The following KMT5C variants were observed in gnomAD, a reference collection of about 807,000 sequenced individuals.
KMT5C encodes lysine methyltransferase 5C.
Under a neutral mutation model 38.2 loss-of-function variants are expected in KMT5C, and 16 were observed. That is an observed-to-expected ratio of 0.42 (90% CI 0.28 to 0.64). KMT5C has a LOEUF of 0.64. Ranked by LOEUF, KMT5C falls within the 30% of genes least tolerant of loss-of-function variation. KMT5C has a pLI of 0.23. For synonymous variants in KMT5C, 291 were observed against 279.0 expected (o/e 1.04, Z -0.43); for missense variants, 598 against 665.1 (o/e 0.90, Z 1.11).
Position 55,346,905 on chromosome 19 carries a change from G to A in KMT5C, c.896-51G>A, listed in dbSNP as rs759070166. ...GAGGAGGACCGGCCCAGCTTGCACT[G>A]ACTTCACCTCTCCTTTGTTCCTCCT... On this transcript the variant is annotated intron_variant, in intron 8 of 8. Transcript: ENST00000255613. The A allele has an allele frequency of 7.5e-6, 6 of 796,808 alleles. 1 individual carries two copies. In the South Asian group the frequency reaches 8.9e-5, roughly 12 times the overall value. 49.4% of individuals were successfully genotyped at this position (796,808 alleles called of 1,614,324 possible). A position where few individuals can be genotyped will look rare whatever the true frequency, so the allele number is the denominator to read the frequency against.
chr19:55,342,156 TG>T (rs1293084150), intron 2 of KMT5C, 58 bp from the exon 3 acceptor site: 1 of 1,590,250 alleles, frequency 6.3e-7, no homozygotes, highest in East Asian at 2.3e-5. Context: ...CAGCTCCAAG[TG>T]GGGGTTGGGG....
chr19:55,347,678 T>G lies in KMT5C; in HGVS notation c.*229T>G. On this transcript the variant is annotated 3_prime_UTR_variant, in exon 9 of 9. Transcript: ENST00000255613. The surrounding 1 kb of genome is among the most constrained non-coding windows in gnomAD (Gnocchi z 4.6). ...ACTCCCACAGGGAGCCCCGGCCATT[T>G]GCTGCCCTCCCCACCCCTGCCCCAG... is the stretch of plus-strand genomic sequence containing the variant. 1 of 627,220 alleles carries G rather than the reference T, an allele frequency of 1.6e-6. No individual in the cohort carries two copies. Among genetic ancestry groups the G allele is most frequent in the Non-Finnish European group, 2.5e-6 (1 of 401,772 alleles). The allele number at this position is 627,220 out of a possible 1,614,324, so 38.9% of individuals were successfully genotyped here. A position where few individuals can be genotyped will look rare whatever the true frequency, so the allele number is the denominator to read the frequency against.
At position 55,346,624 on chromosome 19, in the gene KMT5C, CAGGGCCTGCTGGGCCCTCG is replaced by C; in HGVS notation, c.833_851del (p.Gln278ArgfsTer144). 1 of 1,572,284 alleles carries C rather than the reference CAGGGCCTGCTGGGCCCTCG, an allele frequency of 6.4e-7. No individual in the cohort carries two copies. The highest frequency in any genetic ancestry group is 8.6e-7 in the Non-Finnish European group (1 of 1,159,716). ...GCAAGGCCTGGACAGTGGCAGCCGACAGGGCCTGCTGGGCCCTCGGGCCTGCGTGCACCCATCCCCGCTG... is the reference window on the plus strand; with the variant it reads ...GCAAGGCCTGGACAGTGGCAGCCGACGGCCTGCGTGCACCCATCCCCGCTG... On this transcript the variant is annotated frameshift_variant, in exon 8 of 9. Coordinates refer to ENST00000255613, the MANE Select transcript of KMT5C (RefSeq NM_032701.4). LOFTEE classifies it high-confidence loss of function.
In KMT5C at chr19:55,342,732, C is replaced by A; in HGVS notation, c.277-10C>A. On this transcript the variant is annotated splice_polypyrimidine_tract_variant and intron_variant, in intron 3 of 8. Transcript: ENST00000255613. ...CCCCGCCTCCTCACCCCCACCCTCA[C>A]CCTCACCAGGTCTATCGCTACCTCC... The A allele has an allele frequency of 2.6e-6, 4 of 1,537,982 alleles. No individual in the cohort carries two copies. Among genetic ancestry groups the A allele is most frequent in the Admixed American group, 1.7e-5 (1 of 59,926 alleles).
In KMT5C at chr19:55,343,045, C is replaced by T. The variant is rs2089577816; in HGVS notation, c.386+194C>T. ...CGTGGTGCCGCTGGAGCAGGAGACC[C>T]CGGATGTGACCCCAGGGTTCCTGGG... On this transcript the variant is annotated intron_variant, in intron 4 of 8. Coordinates refer to ENST00000255613, the MANE Select transcript of KMT5C (RefSeq NM_032701.4). The surrounding 1 kb of genome is among the most constrained non-coding windows in gnomAD (Gnocchi z 5.5). 1 of 572,984 alleles carries T rather than the reference C, an allele frequency of 1.7e-6. No homozygotes were observed. The highest frequency in any genetic ancestry group is 1.9e-5 in the African/African-American group (1 of 53,230). 35.5% of individuals were successfully genotyped at this position (572,984 alleles called of 1,614,324 possible).
At position 55,342,389 on chromosome 19, in the gene KMT5C, GCCCTC is replaced by G; in HGVS notation, c.276+18_276+22del. ...CTGCCCTCAAGACCCACGTGAGGGC[GCCCTC>G]CCCTCCCCCGCCCTCACCGCGTGTC... On this transcript the variant is annotated intron_variant, in intron 3 of 8. Coordinates refer to ENST00000255613, the MANE Select transcript of KMT5C (RefSeq NM_032701.4). 6.7e-7 allele frequency: 1 copy of G among 1,485,222 alleles called. No homozygotes were observed. The highest frequency in any genetic ancestry group is 8.9e-7 in the Non-Finnish European group (1 of 1,117,708). The allele number at this position is 1,485,222 out of a possible 1,614,324, so 92.0% of individuals were successfully genotyped here.
At position 55,347,621 on chromosome 19, in the gene KMT5C, C is replaced by A; in HGVS notation, c.*172C>A. ...CACCCCCAGGGATCTGAGCCCTGAC[C>A]CTTTGTGACTGCTGACCCCTGAGCC... On this transcript the variant is annotated 3_prime_UTR_variant, in exon 9 of 9. Transcript: ENST00000255613. This position sits in a 1 kb window ranked among gnomAD's most constrained non-coding sequence, Gnocchi z 4.6. 8.9e-7 allele frequency: 1 copy of A among 1,129,664 alleles called. No individual in the cohort carries two copies. The highest frequency in any genetic ancestry group is 1.2e-6 in the Non-Finnish European group (1 of 847,384). The allele number at this position is 1,129,664 out of a possible 1,614,324, so 70.0% of individuals were successfully genotyped here.
chr19:55,344,107 G>C, intron 6 of KMT5C, 110 bp downstream of exon 6: 1 of 1,198,534 alleles, frequency 8.3e-7, no homozygotes, highest in Non-Finnish European at 1.2e-6. Context: ...GGGCGCGGTG[G>C]CTCATGCCTG....
rs373622551 is a variant in KMT5C, at chr19:55,343,342, G to C, written c.387-338G>C. The stretch of plus-strand genomic sequence containing the variant: ...ACTGACAGGGGAAGCACCCGCCTGA[G>C]GGTCTGGTGGGGCGAGTAGGGGGTA... On this transcript the variant is annotated intron_variant, in intron 4 of 8. Transcript: ENST00000255613. The surrounding 1 kb of genome is among the most constrained non-coding windows in gnomAD (Gnocchi z 5.5). 11 of 376,672 alleles carry C rather than the reference G, an allele frequency of 2.9e-5. No individual in the cohort carries two copies. Among genetic ancestry groups the C allele is most frequent in the African/African-American group, 2.0e-4 (10 of 49,338 alleles). The allele number at this position is 376,672 out of a possible 1,614,324, so 23.3% of individuals were successfully genotyped here.
chr19:55,342,228 C>T lies in KMT5C; in HGVS notation c.124C>T (p.Leu42=). ...HKMNVSPVPP[L]RRQQHLRSAL... ...CCTCTCCCCCAGCCCTGTGCCCCCC[C>T]TGCGGCGACAGCAGCACCTGCGCTC... Residue 42 remains leucine (L), a synonymous_variant, in exon 3 of 9, where the codon CTG becomes TTG. Coordinates refer to ENST00000255613, the MANE Select transcript of KMT5C (RefSeq NM_032701.4). The T allele has an allele frequency of 6.2e-7, 1 of 1,610,070 alleles. No individual in the cohort carries two copies. The highest frequency in any genetic ancestry group is 8.5e-7 in the Non-Finnish European group (1 of 1,178,940).
chr19:55,342,601 G>A, intron 3 of KMT5C, 141 bp from the exon 4 acceptor site: 1 of 647,970 alleles, frequency 1.5e-6, no homozygotes, highest in East Asian at 2.7e-5. Flanking sequence ...TGACGGATGA[G>A]GAAACTGAGG....
At chr19:55,345,044 C>T (rs566669149) in intron 6 of KMT5C, 42 of 455,940 alleles carry the variant, frequency 9.2e-5, no homozygotes, top group Admixed American at 7.8e-4. Flanking sequence ...CACACACAGA[C>T]GCTGGGGGGG....
intron 2 of KMT5C, 33 bp from the exon 3 acceptor site, chr19:55,342,181 AG>A: frequency 6.2e-7 from 1 of 1,601,020 alleles, no homozygotes; most frequent in East Asian, 2.3e-5. Context: ...GGGCCCGGGA[AG>A]GCCCTGGGAC....
rs1395659045 is a variant in KMT5C at position 55,346,577 on chromosome 19, G to A, written c.785G>A (p.Arg262His). The change falls in exon 8 of 9, where the codon CGT becomes CAT. Residue 262 changes from arginine (R) to histidine (H), a missense_variant. By Grantham distance (29) the Arg-to-His change is conservative. Coordinates refer to ENST00000255613, the MANE Select transcript of KMT5C (RefSeq NM_032701.4). ...CGGCCCCTGGACAAGTACCAGCTGC[G>A]TGAGACCAAGCGGCGGCTGCAGCAA... ...PPRPLDKYQLRETKRRLQQGL... is the reference protein window; with the variant it reads ...PPRPLDKYQLHETKRRLQQGL... 1 of 1,588,702 alleles carries A rather than the reference G, an allele frequency of 6.3e-7. No homozygotes were observed.
chr19:55,343,786 T>A lies in KMT5C; in HGVS notation c.493T>A (p.Ser165Thr). 1 of 1,612,808 alleles carries A rather than the reference T, an allele frequency of 6.2e-7. No individual in the cohort carries two copies. The highest frequency in any genetic ancestry group is 8.5e-7 in the Non-Finnish European group (1 of 1,179,522). ...AGENDFSIMY[S>T]TRKRSAQLWL... The stretch of plus-strand genomic sequence containing the variant: ...TGAGAATGACTTCAGCATCATGTAC[T>A]CAACCCGCAAGCGGAGTGCTCAGCT... Residue 165 changes from serine (S) to threonine (T), a missense_variant, in exon 5 of 9, where the codon TCA becomes ACA. Physicochemically the swap from Ser to Thr is moderately conservative, Grantham distance 58 (BLOSUM62 1). Transcript: ENST00000255613. This position sits in a 1 kb window ranked among gnomAD's most constrained non-coding sequence, Gnocchi z 5.5.
intron 7 of KMT5C, 47 bp downstream of exon 7, chr19:55,346,396 T>G (rs756822264): frequency 3.7e-6 from 6 of 1,612,518 alleles, no homozygotes; most frequent in Non-Finnish European, 5.1e-6. Context: ...CTGGGCTTCT[T>G]GAGCCCAGAA....
At position 55,347,210 on chromosome 19, in the gene KMT5C, T is replaced by C. The variant is rs2089631784; in HGVS notation, c.1150T>C (p.Trp384Arg). Residue 384 changes from tryptophan to arginine, a missense_variant, in exon 9 of 9, where the codon TGG (tryptophan) becomes CGG (arginine). This residue lies in a region of KMT5C where 326 missense variants were observed against 298.1 expected (regional missense o/e 1.09). Coordinates refer to ENST00000255613, the MANE Select transcript of KMT5C (RefSeq NM_032701.4). The surrounding 1 kb of genome is among the most constrained non-coding windows in gnomAD (Gnocchi z 4.6). The stretch of plus-strand genomic sequence containing the variant: ...CCTGGGCCAGCCCCCCCACGCCCGC[T>C]GGGCCCCTCAGCAGGACTGGCACTG... ...VALGQPPHARWAPQQDWHWAR... is the reference protein window; with the variant it reads ...VALGQPPHARRAPQQDWHWAR... The C allele has an allele frequency of 1.3e-6, 2 of 1,540,130 alleles. No individual in the cohort carries two copies. The highest frequency in any genetic ancestry group is 1.7e-6 in the Non-Finnish European group (2 of 1,147,046).
intron 1 of KMT5C, chr19:55,341,476 C>G (rs2089556244): frequency 6.4e-6 from 1 of 155,122 alleles, no homozygotes; most frequent in Non-Finnish European, 1.4e-5. Context: ...GAAGCGGCTC[C>G]CCACGGTGCT....
In KMT5C at chr19:55,342,062, G is replaced by A; in HGVS notation, c.110+16G>A. 1 of 1,603,334 alleles carries A rather than the reference G, an allele frequency of 6.2e-7. No homozygotes were observed. Among genetic ancestry groups the A allele is most frequent in the South Asian group, 1.1e-5 (1 of 90,902 alleles). On this transcript the variant is annotated intron_variant, in intron 2 of 8. Transcript: ENST00000255613. ...TGAACGTCAGGTGAGGTGGCCTGGGGGCGAGGGTGGGCCCGAGGGGTCAGG... is the reference window on the plus strand; with the variant it reads ...TGAACGTCAGGTGAGGTGGCCTGGGAGCGAGGGTGGGCCCGAGGGGTCAGG...
Sources: allele counts gnomAD v4.1 joint callset, GRCh38; gene constraint gnomAD v4.1.1; regional missense constraint gnomAD v4.1.1; non-coding constraint Gnocchi (gnomAD v3.1); transcripts MANE v1.5; gene names NCBI Gene and HGNC (gene_info 2026-07-23, HGNC 2026-07-21).